The following PRKG1 variants were observed in gnomAD, a reference collection of about 807,000 sequenced individuals.
PRKG1 encodes the protein protein kinase cGMP-dependent 1.
Under a neutral mutation model 88.1 loss-of-function variants are expected in PRKG1, and 35 were observed. The observed-to-expected ratio is 0.40, with a 90% confidence interval of 0.30 to 0.53. PRKG1 has a LOEUF of 0.53. Among genes scored for constraint, PRKG1 ranks in the 20% least tolerant of loss-of-function variants. The pLI is 0.59. For missense variants in PRKG1, 540 were observed against 839.8 expected, an observed-to-expected ratio of 0.64 and a Z score of 4.41; for synonymous variants, 303 against 292.5, an observed-to-expected ratio of 1.04 and a Z score of -0.37.
chr10:51,039,005 C>G (rs572996138), intron 1 of PRKG1, among the ~76,000 whole-genome samples: 7 of 152,134 alleles, frequency 4.6e-5, no homozygotes, highest in African/African-American at 1.7e-4. Flanking sequence ...TGAACATTTC[C>G]CTGATGTCAG....
At chr10:52,213,343 GTTTA>G (rs1485427248) in intron 9 of PRKG1, among the ~76,000 whole-genome samples, 14 of 152,116 alleles carry the variant, frequency 9.2e-5, no homozygotes, top group Admixed American at 9.2e-4. Flanking sequence ...TTTGTTATGG[GTTTA>G]TTTAAGACTC....
At chr10:51,985,229 G>A (rs1396340936) in intron 5 of PRKG1, among the ~76,000 whole-genome samples, 2 of 152,074 alleles carry the variant, frequency 1.3e-5, no homozygotes, top group Admixed American at 6.6e-5. Context: ...AATTAGGTTA[G>A]CCCAGGAGCA....
At chr10:51,490,396 C>T (rs1840674624) in intron 3 of PRKG1, among the ~76,000 whole-genome samples, 2 of 152,182 alleles carry the variant, frequency 1.3e-5, no homozygotes, top group African/African-American at 4.8e-5. Flanking sequence ...TTATCTCATG[C>T]ATACTTTAAA....
rs140820105 is a variant in PRKG1 at position 51,602,725 on chromosome 10, AAT to A, written c.592+134896_592+134897del. Among the ~76,000 whole-genome samples the A allele has an allele frequency of 7.2e-4, 43 of 59,862 alleles. 1 individual carries two copies. Among genetic ancestry groups the A allele is most frequent in the African/African-American group, 3.2e-3 (37 of 11,406 alleles). 39.3% of individuals were successfully genotyped at this position (59,862 alleles called of 152,430 possible). ...CCACTGCGCCTGGCTGGCTTTGATT[AAT>A]ATATATGTGTGTGTGTGTGTGTGTG... On this transcript the variant is annotated intron_variant, in intron 3 of 17. Transcript: ENST00000373980.
intron 4 of PRKG1, among the ~76,000 whole-genome samples, chr10:51,875,115 G>T (rs1841260778): frequency 6.6e-6 from 1 of 152,026 alleles, no homozygotes; most frequent in African/African-American, 2.4e-5. Flanking sequence ...TAAAGTAGTA[G>T]TACCTTTTTC....
intron 2 of PRKG1, among the ~76,000 whole-genome samples, chr10:51,383,527 C>A (rs766074929): frequency 3.3e-5 from 5 of 152,128 alleles, no homozygotes; most frequent in Non-Finnish European, 7.4e-5. Context: ...CAGAGGCACA[C>A]GGAGTTTAAG....
chr10:51,792,893 C>T (rs1589291258), intron 3 of PRKG1, among the ~76,000 whole-genome samples: 1 of 151,862 alleles, frequency 6.6e-6, no homozygotes, highest in Middle Eastern at 3.2e-3. Context: ...TGAAGACCAC[C>T]TAAAGACAGA....
chr10:51,471,047 C>G (rs72795108), intron 3 of PRKG1, among the ~76,000 whole-genome samples: 1 of 151,788 alleles, frequency 6.6e-6, no homozygotes, highest in Non-Finnish European at 1.5e-5. Flanking sequence ...ATAGTCTGCT[C>G]CTGTCTTATA....
chr10:51,878,129 C>T (rs1374726251), intron 4 of PRKG1, among the ~76,000 whole-genome samples: 1 of 151,688 alleles, frequency 6.6e-6, no homozygotes, highest in Non-Finnish European at 1.5e-5. Flanking sequence ...CATCATTAAC[C>T]AGAAATGCAT....
intron 2 of PRKG1, among the ~76,000 whole-genome samples, chr10:51,265,203 T>C (rs889572472): frequency 2.6e-5 from 4 of 152,140 alleles, no homozygotes; most frequent in Non-Finnish European, 5.9e-5. Flanking sequence ...TATTTGGGTA[T>C]ATAAGTTAAT....
chr10:51,450,748 C>A (rs1839410799), intron 2 of PRKG1, among the ~76,000 whole-genome samples: 1 of 151,488 alleles, frequency 6.6e-6, no homozygotes, highest in Non-Finnish European at 1.5e-5. Context: ...CTTAGACTGA[C>A]CTAAGAGTGC....
intron 9 of PRKG1, among the ~76,000 whole-genome samples, chr10:52,212,326 T>C (rs1839999485): frequency 6.6e-6 from 1 of 152,124 alleles, no homozygotes; most frequent in African/African-American, 2.4e-5. Context: ...TTACACCTCA[T>C]TAGGTTACAG....
In PRKG1 at chr10:51,780,910, C is replaced by T. The variant is rs1838571354; in HGVS notation, c.593-23675C>T. ...CAGGTGTCATCACATAAAATTTTGA[C>T]ATAGAATAAGAGCAAACGTTAAGCC... On this transcript the variant is annotated intron_variant, in intron 3 of 17. Coordinates refer to ENST00000373980, the MANE Select transcript of PRKG1 (RefSeq NM_006258.4). Among the ~76,000 whole-genome samples the T allele has an allele frequency of 3.9e-5, 6 of 152,032 alleles. No individual in the cohort carries two copies. The South Asian group carries it at 8.3e-4, about 21-fold the overall frequency.
At chr10:51,928,937 C>T (rs1222381716) in intron 5 of PRKG1, among the ~76,000 whole-genome samples, 1 of 152,074 alleles carries the variant, frequency 6.6e-6, no homozygotes, top group Non-Finnish European at 1.5e-5. Flanking sequence ...TTGCCCTTGG[C>T]CACTCACTCT....
intron 1 of PRKG1, among the ~76,000 whole-genome samples, chr10:51,090,517 AC>A (rs1383424156): frequency 3.3e-5 from 5 of 152,166 alleles, no homozygotes; most frequent in Admixed American, 2.6e-4. Flanking sequence ...TTACAGGCCT[AC>A]CAAAAATTTA....
At chr10:51,315,874 A>G (rs899383104) in intron 2 of PRKG1, among the ~76,000 whole-genome samples, 1 of 152,134 alleles carries the variant, frequency 6.6e-6, no homozygotes, top group Non-Finnish European at 1.5e-5. Flanking sequence ...TCCTGTTTGG[A>G]TAACTCATTT....
At chr10:52,124,891 GT>G (rs1341703004) in intron 7 of PRKG1, among the ~76,000 whole-genome samples, 3 of 152,132 alleles carry the variant, frequency 2.0e-5, no homozygotes, top group Middle Eastern at 3.4e-3. Flanking sequence ...CAATATCACT[GT>G]CTTCCACCTC....
At chr10:51,189,083 A>G (rs536694722) in intron 2 of PRKG1, among the ~76,000 whole-genome samples, 1 of 151,918 alleles carries the variant, frequency 6.6e-6, no homozygotes, top group East Asian at 1.9e-4. Context: ...TCATGAGGTG[A>G]CAAGGCCCTT....
In PRKG1 at chr10:52,248,905, C is replaced by CTTA. The variant is rs1554821333; in HGVS notation, c.1077-2663_1077-2662insATT. On this transcript the variant is annotated intron_variant, in intron 9 of 17. Coordinates refer to ENST00000373980, the MANE Select transcript of PRKG1 (RefSeq NM_006258.4). ...TCTTCTTTTCCTTCCTTTCCTTTCT[C>CTTA]TTTTCTTTCCTTTCTTTTCTTTTCC... Among the ~76,000 whole-genome samples the CTTA allele has an allele frequency of 3.4e-4, 50 of 148,392 alleles. 1 individual carries two copies. The highest frequency in any genetic ancestry group is 1.2e-3 in the African/African-American group (48 of 40,534).
Sources: gnomAD v4.1 joint callset for allele counts (sites outside exome capture counted in the v4.1 genomes callset) on GRCh38, gnomAD v4.1.1 for gene constraint, MANE v1.5 for transcripts, NCBI Gene and HGNC (gene_info 2026-07-23, HGNC 2026-07-21) for gene names.